TOX: variants seen among roughly 807,000 people sequenced by gnomAD.
TOX encodes the protein thymocyte selection associated high mobility group box, also known as thymocyte selection-associated high mobility group box protein TOX.
TOX carries 11 observed loss-of-function variants against 53.7 expected under a neutral mutation model. That is an observed-to-expected ratio of 0.20 (90% CI 0.13 to 0.34). The LOEUF is 0.34. Ranked by LOEUF, TOX falls within the 10% of genes least tolerant of loss-of-function variation. TOX has a pLI of 1.00. For synonymous variants in TOX, 225 were observed against 245.3 expected, an observed-to-expected ratio of 0.92 and a Z score of 0.77; for missense variants, 570 against 664.6, an observed-to-expected ratio of 0.86 and a Z score of 1.56.
intron 3 of TOX, among the ~76,000 whole-genome samples, chr8:58,874,596 C>G (rs1423493226): frequency 1.3e-5 from 2 of 152,126 alleles, no homozygotes; most frequent in African/African-American, 4.8e-5. Context: ...AGGTTGCAAA[C>G]AGCAAAATGA....
intron 3 of TOX, among the ~76,000 whole-genome samples, chr8:58,894,810 C>A (rs978304423): frequency 1.3e-5 from 2 of 152,106 alleles, no homozygotes; most frequent in Non-Finnish European, 2.9e-5. Flanking sequence ...GCAGAAGAAT[C>A]GCTTGAACCC....
intron 3 of TOX, among the ~76,000 whole-genome samples, chr8:58,871,494 A>G (rs1481477993): frequency 6.6e-6 from 1 of 152,204 alleles, no homozygotes; most frequent in Non-Finnish European, 1.5e-5. Flanking sequence ...CATATGAAAC[A>G]ACCTCATTGA....
At chr8:58,996,074 T>A (rs1323222565) in intron 1 of TOX, among the ~76,000 whole-genome samples, 1 of 152,202 alleles carries the variant, frequency 6.6e-6, no homozygotes, top group Non-Finnish European at 1.5e-5. Context: ...TTTATAGCAG[T>A]TTTACTCTTT....
chr8:58,877,975 G>A (rs979129386), intron 3 of TOX, among the ~76,000 whole-genome samples: 7 of 152,054 alleles, frequency 4.6e-5, no homozygotes, highest in African/African-American at 1.7e-4. Context: ...ACCCTGACTG[G>A]GGAGCACAGT....
chr8:58,838,431 T>TCAC, intron 4 of TOX, 120 bp from the exon 5 acceptor site: 1 of 744,072 alleles, frequency 1.3e-6, no homozygotes, highest in Non-Finnish European at 2.2e-6. Context: ...ACACAGGCTT[T>TCAC]TCTAAGGGAC....
chr8:59,070,642 A>G (rs930845686), intron 1 of TOX, among the ~76,000 whole-genome samples: 1 of 152,154 alleles, frequency 6.6e-6, no homozygotes, highest in African/African-American at 2.4e-5. Flanking sequence ...AAGGAGAGAG[A>G]GAGAGATGCG....
At chr8:59,006,257 A>G (rs1276109254) in intron 1 of TOX, among the ~76,000 whole-genome samples, 1 of 152,256 alleles carries the variant, frequency 6.6e-6, no homozygotes, top group African/African-American at 2.4e-5. Flanking sequence ...ACACAGGAAG[A>G]TACACTGTAA....
intron 3 of TOX, among the ~76,000 whole-genome samples, chr8:58,913,081 A>G (rs903491358): frequency 6.6e-6 from 1 of 152,192 alleles, no homozygotes; most frequent in Non-Finnish European, 1.5e-5. Context: ...ATTCATATCC[A>G]TTGAATGAAT....
intron 3 of TOX, among the ~76,000 whole-genome samples, chr8:58,901,435 G>A (rs1811733655): frequency 1.3e-5 from 2 of 152,092 alleles, no homozygotes; most frequent in South Asian, 2.1e-4. Context: ...AGAACATTAA[G>A]GTGAAGAGAA....
intron 1 of TOX, among the ~76,000 whole-genome samples, chr8:58,970,575 A>C (rs539128585): frequency 2.9e-4 from 44 of 152,300 alleles, no homozygotes; most frequent in African/African-American, 1.0e-3. Context: ...TGGATGATTG[A>C]GGTGCCTTCT....
intron 1 of TOX, among the ~76,000 whole-genome samples, chr8:58,995,806 A>G (rs1199818636): frequency 6.6e-6 from 1 of 152,234 alleles, no homozygotes. Context: ...ACTTGCTTGA[A>G]TGAATCCTTA....
chr8:58,964,681 T>A (rs1161481195), intron 1 of TOX, among the ~76,000 whole-genome samples: 1 of 152,222 alleles, frequency 6.6e-6, no homozygotes, highest in African/African-American at 2.4e-5. Context: ...ATAGACTTTG[T>A]ATTGTTTATA....
rs144334738 is a variant in TOX, at chr8:58,909,618, T to A, written c.411+29684A>T. 5.3e-4 allele frequency among the ~76,000 whole-genome samples: 81 copies of A among 152,208 alleles called. No homozygotes were observed. The East Asian group carries it at 0.014, about 26-fold the overall frequency. On this transcript the variant is annotated intron_variant, in intron 3 of 8. Transcript: ENST00000361421. The stretch of plus-strand genomic sequence containing the variant: ...ATTCCAGTGATTTACAAAAATTTAA[T>A]GTTTGAGAAGCACTGAATATGTCTC...
At chr8:58,834,572 C>A (rs1810516976) in intron 5 of TOX, among the ~76,000 whole-genome samples, 1 of 152,178 alleles carries the variant, frequency 6.6e-6, no homozygotes. Flanking sequence ...AGGTGGTAAT[C>A]TACTGTTATA....
intron 1 of TOX, among the ~76,000 whole-genome samples, chr8:59,083,989 C>T (rs1327844252): frequency 6.6e-6 from 1 of 152,066 alleles, no homozygotes; most frequent in African/African-American, 2.4e-5. Flanking sequence ...TATCACAATG[C>T]TATACTCAAT....
At chr8:59,017,645 T>A (rs567183060) in intron 1 of TOX, among the ~76,000 whole-genome samples, 9 of 152,310 alleles carry the variant, frequency 5.9e-5, no homozygotes, top group Admixed American at 2.6e-4. Context: ...ACAAGAACAA[T>A]TACGTTGAAT....
chr8:59,068,580 G>A (rs1364967368), intron 1 of TOX, among the ~76,000 whole-genome samples: 1 of 152,206 alleles, frequency 6.6e-6, no homozygotes, highest in Admixed American at 6.5e-5. Context: ...TACTCTTCTT[G>A]TGTATCAGGC....
intron 5 of TOX, among the ~76,000 whole-genome samples, chr8:58,834,926 C>A (rs1810521895): frequency 6.6e-6 from 1 of 152,150 alleles, no homozygotes; most frequent in South Asian, 2.1e-4. Flanking sequence ...AAGGAGCATA[C>A]AGCATGGGGA....
At chr8:58,889,380 C>T (rs187356135) in intron 3 of TOX, among the ~76,000 whole-genome samples, 131 of 151,598 alleles carry the variant, frequency 8.6e-4, no homozygotes, top group African/African-American at 3.0e-3. Context: ...AAGAAAGGAG[C>T]GGAGTAGTGT....
Sources: allele counts gnomAD v4.1 joint callset (sites outside exome capture counted in the v4.1 genomes callset), GRCh38; gene constraint gnomAD v4.1.1; transcripts MANE v1.5; gene names NCBI Gene and HGNC (gene_info 2026-07-23, HGNC 2026-07-21).